The following C9orf40 variants were observed in gnomAD, a reference collection of about 807,000 sequenced individuals.
C9orf40 encodes the protein uncharacterized protein C9orf40.
A neutral mutation model predicts 7.9 loss-of-function variants in C9orf40; 2 were observed. The ratio of observed to expected loss-of-function variants is 0.25; its 90% CI spans 0.10 to 0.80. C9orf40 has a LOEUF of 0.80. Ranked by LOEUF, C9orf40 falls within the 30% of genes least tolerant of loss-of-function variation. The probability of loss-of-function intolerance (pLI) is 0.68; values close to 1 mark genes in which losing one functional copy is unlikely to be tolerated. For synonymous variants in C9orf40, 113 were observed against 117.6 expected (o/e 0.96, Z 0.25); for missense variants, 256 against 268.5 (o/e 0.95, Z 0.33).
In C9orf40 at chr9:74,952,174, C is replaced by T; in HGVS notation, c.426+12G>A. ...CCCTTCGCCCCTCAGCCCACCCGCCCCCAGCCCCTACCTGGCGCGATGCGA... is the reference window on the plus strand; with the variant it reads ...CCCTTCGCCCCTCAGCCCACCCGCCTCCAGCCCCTACCTGGCGCGATGCGA... On this transcript the variant is annotated intron_variant, in intron 1 of 1. Transcript: ENST00000376854. This position sits in a 1 kb window ranked among gnomAD's most constrained non-coding sequence, Gnocchi z 5.4. 2 of 613,544 alleles carry T rather than the reference C, an allele frequency of 3.3e-6. 1 individual carries two copies. The highest frequency in any genetic ancestry group is 4.7e-6 in the Non-Finnish European group (2 of 426,616). The allele number at this position is 613,544 out of a possible 1,614,324, so 38.0% of individuals were successfully genotyped here.
rs1832322313 is a variant in C9orf40 at position 74,952,720 on chromosome 9, C to A, written c.-109G>T. The stretch of plus-strand genomic sequence containing the variant: ...GCGTGAGAGAGGGACAGGCCGAAGT[C>A]GGGCGAGGAGGCGACAGGACGCTGG... On this transcript the variant is annotated 5_prime_UTR_variant, in exon 1 of 2. Coordinates refer to ENST00000376854, the MANE Select transcript of C9orf40 (RefSeq NM_017998.3). The surrounding 1 kb of genome is among the most constrained non-coding windows in gnomAD (Gnocchi z 5.4). The A allele has an allele frequency of 9.3e-7, 1 of 1,076,992 alleles. No individual in the cohort carries two copies. The highest frequency in any genetic ancestry group is 1.6e-5 in the South Asian group (1 of 60,800). The allele number at this position is 1,076,992 out of a possible 1,614,324, so 66.7% of individuals were successfully genotyped here.
rs764625310 is a variant in C9orf40 at position 74,948,151 on chromosome 9, G to A, written c.482C>T (p.Pro161Leu). 107 of 1,612,956 alleles carry A rather than the reference G, an allele frequency of 6.6e-5. 4 individuals carry two copies. The South Asian group carries it at 1.1e-3, about 17-fold the overall frequency. The change falls in exon 2 of 2, where the codon CCT (proline) becomes CTT (leucine). Residue 161 changes from proline (P) to leucine (L), a missense_variant. Physicochemically the swap from Pro to Leu is moderately conservative, Grantham distance 98. Coordinates refer to ENST00000376854, the MANE Select transcript of C9orf40 (RefSeq NM_017998.3). ...NTFQYWRNPL[P>L]PIDLADIEDL... is the part of the protein sequence containing the mutation. ...TTCAATGTCTGCCAGATCAATAGGA[G>A]GCAAAGGATTCCTCCAGTACTGGAA...
chr9:74,947,901 T>C lies in C9orf40; in HGVS notation c.*147A>G. 1 of 731,978 alleles carries C rather than the reference T, an allele frequency of 1.4e-6. No individual in the cohort carries two copies. The highest frequency in any genetic ancestry group is 2.2e-6 in the Non-Finnish European group (1 of 445,602). The allele number at this position is 731,978 out of a possible 1,614,324, so 45.3% of individuals were successfully genotyped here. ...TAAGAGGTTCAGTAGTAACTGTAGGTATTTAATGTCAGAACAATCTTTCTT... is the reference window on the plus strand; with the variant it reads ...TAAGAGGTTCAGTAGTAACTGTAGGCATTTAATGTCAGAACAATCTTTCTT... On this transcript the variant is annotated 3_prime_UTR_variant, in exon 2 of 2. Transcript: ENST00000376854.
intron 1 of C9orf40, among the ~76,000 whole-genome samples, chr9:74,950,235 C>G (rs1206301508): frequency 6.6e-6 from 1 of 152,240 alleles, no homozygotes; most frequent in Non-Finnish European, 1.5e-5. Flanking sequence ...GCTGCCAGAT[C>G]TAGTTACTGC....
At position 74,952,561 on chromosome 9, in the gene C9orf40, C is replaced by T; in HGVS notation, c.51G>A (p.Lys17=). Residue 17 remains lysine, a synonymous_variant, in exon 1 of 2, where the codon AAG becomes AAA. Coordinates refer to ENST00000376854, the MANE Select transcript of C9orf40 (RefSeq NM_017998.3). This position sits in a 1 kb window ranked among gnomAD's most constrained non-coding sequence, Gnocchi z 5.4. ...AEPVTFHVPW[K]RLLLCDFAEQ... is the part of the protein sequence containing the mutation. ...CAGCGAAGTCGCAAAGCAGGAGCCG[C>T]TTCCAAGGCACGTGGAACGTCACCG... 2 of 1,587,674 alleles carry T rather than the reference C, an allele frequency of 1.3e-6. No homozygotes were observed. The highest frequency in any genetic ancestry group is 1.7e-6 in the Non-Finnish European group (2 of 1,176,012).
At chr9:74,948,276 A>G (rs1239852627) in intron 1 of C9orf40, 70 bp from the exon 2 acceptor site, 3 of 1,147,756 alleles carry the variant, frequency 2.6e-6, no homozygotes, top group East Asian at 4.9e-5. Flanking sequence ...TCAGAAAACA[A>G]ATTTGTTTTA....
In C9orf40 at chr9:74,948,064, A is replaced by G. The variant is rs1255699150; in HGVS notation, c.569T>C (p.Val190Ala). The G allele has an allele frequency of 6.2e-7, 1 of 1,613,802 alleles. No homozygotes were observed. The highest frequency in any genetic ancestry group is 2.2e-5 in the East Asian group (1 of 44,870). The part of the protein sequence containing the change: ...TLQGRNEGAE[V>A]DMES The stretch of plus-strand genomic sequence containing the variant: ...CTCCTTACATCAGGACTCCATGTCA[A>G]CCTCAGCCCCTTCATTCCTGCCCTG... Residue 190 changes from valine (V) to alanine (A), a missense_variant, in exon 2 of 2, where the codon GTT (valine) becomes GCT (alanine). Coordinates refer to ENST00000376854, the MANE Select transcript of C9orf40 (RefSeq NM_017998.3).
chr9:74,950,930 G>A (rs1832288087), intron 1 of C9orf40, among the ~76,000 whole-genome samples: 1 of 152,100 alleles, frequency 6.6e-6, no homozygotes, highest in Non-Finnish European at 1.5e-5. Flanking sequence ...AAATTTTCTA[G>A]TAGCTGTATT....
In C9orf40 at chr9:74,948,042, C is replaced by T. The variant is rs1832260634; in HGVS notation, c.*6G>A. On this transcript the variant is annotated 3_prime_UTR_variant, in exon 2 of 2. Coordinates refer to ENST00000376854, the MANE Select transcript of C9orf40 (RefSeq NM_017998.3). ...TCAGCCAATCCCACTGCTTCGGCTC[C>T]TTACATCAGGACTCCATGTCAACCT... is the stretch of plus-strand genomic sequence containing the variant. 1 of 1,612,186 alleles carries T rather than the reference C, an allele frequency of 6.2e-7. No homozygotes were observed. Among genetic ancestry groups the T allele is most frequent in the African/African-American group, 1.3e-5 (1 of 74,838 alleles).
intron 1 of C9orf40, 105 bp from the exon 2 acceptor site, chr9:74,948,311 T>TACAA: frequency 2.9e-6 from 2 of 686,582 alleles, no homozygotes; most frequent in Non-Finnish European, 4.7e-6. Flanking sequence ...TAAGATTTTG[T>TACAA]AATCTTCTAT....
Position 74,949,576 on chromosome 9 carries a change from A to T in C9orf40, c.427-1370T>A, listed in dbSNP as rs73650092. On this transcript the variant is annotated intron_variant, in intron 1 of 1. Transcript: ENST00000376854. ...CCTGCCTAGATTGTATTCTCAATGTAGAAAAAAGGTATTTGAGGTAGTATT... is the reference window on the plus strand; with the variant it reads ...CCTGCCTAGATTGTATTCTCAATGTTGAAAAAAGGTATTTGAGGTAGTATT... 9.8e-4 allele frequency among the ~76,000 whole-genome samples: 149 copies of T among 152,378 alleles called. 1 individual carries two copies. Among genetic ancestry groups the T allele is most frequent in the African/African-American group, 3.3e-3 (137 of 41,584 alleles).
intron 1 of C9orf40, among the ~76,000 whole-genome samples, chr9:74,949,772 G>A (rs890971666): frequency 2.0e-5 from 3 of 152,132 alleles, no homozygotes; most frequent in African/African-American, 7.2e-5. Context: ...TTTGGAGGCA[G>A]GAAGGAGAAA....
chr9:74,952,039 C>T lies in C9orf40; in HGVS notation c.426+147G>A, dbSNP rs932774991. The stretch of plus-strand genomic sequence containing the variant: ...CTCGGGGTGTGCTTCTGGCGGTCGG[C>T]GTCCTCTCCCGGAGCGGTGACCCCT... On this transcript the variant is annotated intron_variant, in intron 1 of 1. Coordinates refer to ENST00000376854, the MANE Select transcript of C9orf40 (RefSeq NM_017998.3). This position sits in a 1 kb window ranked among gnomAD's most constrained non-coding sequence, Gnocchi z 5.4. The T allele has an allele frequency of 8.1e-6, 3 of 369,554 alleles. No homozygotes were observed. The highest frequency in any genetic ancestry group is 1.4e-5 in the Non-Finnish European group (3 of 207,564). 22.9% of individuals were successfully genotyped at this position (369,554 alleles called of 1,614,324 possible). A position where few individuals can be genotyped will look rare whatever the true frequency, so the allele number is the denominator to read the frequency against.
Position 74,952,188 on chromosome 9 carries a change from G to T in C9orf40, c.424C>A (p.Gln142Lys). The part of the protein sequence containing the change: ...PRGDWGVASR[Q>K]HNEEFWQYNT... ...GCCCACCCGCCCCCAGCCCCTACCT[G>T]GCGCGATGCGACCCCCCAGTCTCCC... Residue 142 changes from glutamine to lysine, a missense_variant and splice_region_variant, in exon 1 of 2, where the codon CAG (glutamine) becomes AAG (lysine). Coordinates refer to ENST00000376854, the MANE Select transcript of C9orf40 (RefSeq NM_017998.3). This position sits in a 1 kb window ranked among gnomAD's most constrained non-coding sequence, Gnocchi z 5.4. The T allele has an allele frequency of 8.0e-6, 3 of 377,130 alleles. No individual in the cohort carries two copies. Among genetic ancestry groups the T allele is most frequent in the South Asian group, 1.1e-4 (1 of 9,266 alleles). 23.4% of individuals were successfully genotyped at this position (377,130 alleles called of 1,614,324 possible).
At chr9:74,950,251 G>C (rs2023815499) in intron 1 of C9orf40, among the ~76,000 whole-genome samples, 1 of 152,224 alleles carries the variant, frequency 6.6e-6, no homozygotes, top group African/African-American at 2.4e-5. Flanking sequence ...ACTGCTGTGG[G>C]GGAAAAGAGT....
chr9:74,948,947 C>T lies in C9orf40; in HGVS notation c.427-741G>A, dbSNP rs551394534. Among the ~76,000 whole-genome samples the T allele has an allele frequency of 2.0e-5, 3 of 152,130 alleles. No homozygotes were observed. In the East Asian group the frequency reaches 5.8e-4, roughly 29 times the overall value. On this transcript the variant is annotated intron_variant, in intron 1 of 1. Coordinates refer to ENST00000376854, the MANE Select transcript of C9orf40 (RefSeq NM_017998.3). The stretch of plus-strand genomic sequence containing the variant: ...TCACTTTAATATTTTGGAAAATCTA[C>T]TGTACAAATTATCTACTTATAAACA...
At chr9:74,951,493 A>G (rs764983597) in intron 1 of C9orf40, among the ~76,000 whole-genome samples, 5 of 151,940 alleles carry the variant, frequency 3.3e-5, no homozygotes, top group African/African-American at 4.8e-5. Flanking sequence ...GTTTCACCCT[A>G]TTGGCCAGGC....
intron 1 of C9orf40, among the ~76,000 whole-genome samples, chr9:74,948,775 C>T (rs1046142575): frequency 6.6e-6 from 1 of 152,108 alleles, no homozygotes; most frequent in Non-Finnish European, 1.5e-5. Flanking sequence ...GACCTAGTGG[C>T]TACTGTGCTG....
intron 1 of C9orf40, among the ~76,000 whole-genome samples, chr9:74,950,154 G>A (rs1220174151): frequency 6.6e-6 from 1 of 152,202 alleles, no homozygotes; most frequent in Non-Finnish European, 1.5e-5. Flanking sequence ...GGGTAGTCTT[G>A]GTGAAGAAAG....
Sources: gnomAD v4.1 joint callset for allele counts (sites outside exome capture counted in the v4.1 genomes callset) on GRCh38, gnomAD v4.1.1 for gene constraint, Gnocchi (gnomAD v3.1) non-coding constraint, MANE v1.5 for transcripts, NCBI Gene and HGNC (gene_info 2026-07-23, HGNC 2026-07-21) for gene names.